The following TRPM6 variants were observed in gnomAD, a reference collection of about 807,000 sequenced individuals.
TRPM6 encodes the protein channel kinase 2.
A neutral mutation model predicts 247.6 loss-of-function variants in TRPM6; 111 were observed. The observed-to-expected ratio is 0.45, with a 90% CI of 0.38 to 0.52. TRPM6 has a LOEUF of 0.52. Ranked by LOEUF, TRPM6 falls within the 20% of genes least tolerant of loss-of-function variation. The pLI, the probability that TRPM6 is intolerant of heterozygous loss-of-function variation, is 0.00. For missense variants in TRPM6, 2,126 were observed against 2,421.5 expected (o/e 0.88, Z 2.56); for synonymous variants, 892 against 853.8 (o/e 1.04, Z -0.78).
intron 1 of TRPM6, among the ~76,000 whole-genome samples, chr9:74,870,849 G>A (rs867716684): frequency 6.6e-6 from 1 of 151,818 alleles, no homozygotes; most frequent in East Asian, 1.9e-4. Flanking sequence ...GCTTGAATTC[G>A]GGAGGCTTGA....
At chr9:74,776,630 C>T (rs374926125) in intron 23 of TRPM6, among the ~76,000 whole-genome samples, 5 of 152,184 alleles carry the variant, frequency 3.3e-5, no homozygotes, top group African/African-American at 1.2e-4. Flanking sequence ...ATAAAAGTAA[C>T]TCCTTATTGG....
chr9:74,742,667 G>A (rs749331779), intron 32 of TRPM6, 41 bp from the exon 33 acceptor site: 88 of 1,569,182 alleles, frequency 5.6e-5, no homozygotes, highest in Non-Finnish European at 7.0e-5. Flanking sequence ...GTATGCATCA[G>A]TGGCTGAATT....
intron 38 of TRPM6, among the ~76,000 whole-genome samples, chr9:74,726,663 T>C (rs1452900530): frequency 6.6e-6 from 1 of 152,216 alleles, no homozygotes; most frequent in Admixed American, 6.5e-5. Flanking sequence ...TTAGATGTAG[T>C]ACTTGTGTCT....
intron 32 of TRPM6, 43 bp from the exon 33 acceptor site, chr9:74,742,669 G>A: frequency 2.1e-5 from 32 of 1,560,810 alleles, no homozygotes; most frequent in Non-Finnish European, 2.8e-5. Context: ...ATGCATCAGT[G>A]GCTGAATTTA....
In TRPM6 at chr9:74,782,827, G is replaced by T. The variant is rs1375609733; in HGVS notation, c.2946C>A (p.Ile982=). ...KMTANMFYIV[I]IMAIVLLSFG... ...AGCTCAGCAGGACTATGGCCATGAT[G>T]ATCACAATATAGAACATGTTTGCTG... Residue 982 remains isoleucine, a synonymous_variant, in exon 22 of 39, where the codon ATC becomes ATA. Transcript: ENST00000360774. The T allele has an allele frequency of 1.9e-6, 3 of 1,614,036 alleles. No homozygotes were observed. The highest frequency in any genetic ancestry group is 2.2e-5 in the East Asian group (1 of 44,894).
At chr9:74,881,141 T>G (rs1286131518) in intron 1 of TRPM6, among the ~76,000 whole-genome samples, 2 of 151,948 alleles carry the variant, frequency 1.3e-5, no homozygotes, top group African/African-American at 2.4e-5. Context: ...CAAAAAAATT[T>G]TTTTAATTGA....
chr9:74,878,116 G>A (rs1488084300), intron 1 of TRPM6, among the ~76,000 whole-genome samples: 2 of 152,172 alleles, frequency 1.3e-5, no homozygotes, highest in Admixed American at 1.3e-4. Flanking sequence ...ACCACCTGCA[G>A]GCCTGGGGAC....
At chr9:74,736,504 C>G (rs535287725) in intron 36 of TRPM6, among the ~76,000 whole-genome samples, 1 of 152,282 alleles carries the variant, frequency 6.6e-6, no homozygotes, top group Non-Finnish European at 1.5e-5. Context: ...TAATAATGCA[C>G]GTAAACCTTT....
At position 74,775,955 on chromosome 9, in the gene TRPM6, C is replaced by T. The variant is rs762749956; in HGVS notation, c.3331G>A (p.Val1111Met). Residue 1111 changes from valine (V) to methionine (M), a missense_variant, in exon 24 of 39, where the codon GTG (valine) becomes ATG (methionine). By Grantham distance (21) the Val-to-Met change is conservative. Transcript: ENST00000360774. ...LPPPLILLSH[V>M]GLLLRRLCCH... ...CACAGGCGGCGGAGGAGAAGGCCCA[C>T]GTGGCTCAGCAGGATGAGAGGTGGG... 11 of 1,614,010 alleles carry T rather than the reference C, an allele frequency of 6.8e-6. No homozygotes were observed. Among genetic ancestry groups the T allele is most frequent in the South Asian group, 3.3e-5 (3 of 91,084 alleles).
At chr9:74,796,928 G>A in intron 17 of TRPM6, 35 bp from the exon 18 acceptor site, 2 of 1,584,402 alleles carry the variant, frequency 1.3e-6, no homozygotes, top group Non-Finnish European at 8.7e-7. Flanking sequence ...AAAGTAGTAG[G>A]GACTACAAAA....
chr9:74,883,308 A>G (rs542163724), intron 1 of TRPM6, among the ~76,000 whole-genome samples: 10 of 152,286 alleles, frequency 6.6e-5, no homozygotes, highest in African/African-American at 2.2e-4. Context: ...TGGTGGCACA[A>G]CAGGTATTTA....
chr9:74,787,736 G>C (rs1434776058), intron 20 of TRPM6, among the ~76,000 whole-genome samples: 1 of 152,220 alleles, frequency 6.6e-6, no homozygotes, highest in Non-Finnish European at 1.5e-5. Flanking sequence ...TTTTGTTTGA[G>C]ACGGAGTCTC....
At chr9:74,737,762 T>C (rs1462673613) in intron 36 of TRPM6, among the ~76,000 whole-genome samples, 1 of 152,214 alleles carries the variant, frequency 6.6e-6, no homozygotes, top group Non-Finnish European at 1.5e-5. Context: ...ACCAAAGCCC[T>C]AGTCAGTGAG....
intron 3 of TRPM6, among the ~76,000 whole-genome samples, chr9:74,854,704 C>A (rs1474575586): frequency 6.6e-6 from 1 of 152,110 alleles, no homozygotes; most frequent in Non-Finnish European, 1.5e-5. Flanking sequence ...CACTCTGCCA[C>A]CCAGGTGGGA....
In TRPM6 at chr9:74,802,173, T is replaced by C. The variant is rs1307153536; in HGVS notation, c.1734A>G (p.Glu578=). The change falls in exon 16 of 39, where the codon GAA becomes GAG. Residue 578 remains glutamate (E), a splice_region_variant and synonymous_variant. Coordinates refer to ENST00000360774, the MANE Select transcript of TRPM6 (RefSeq NM_017662.5). ...TTGATTTATGAAGGACTATAGACTTTTCCTGTTGGAAAATAAAATAGGAAT... is the reference window on the plus strand; with the variant it reads ...TTGATTTATGAAGGACTATAGACTTCTCCTGTTGGAAAATAAAATAGGAAT... ...IRTAQPYKFK[E]KSIVLHKSRK... 1.9e-6 allele frequency: 3 copies of C among 1,613,702 alleles called. No homozygotes were observed. The Admixed American group carries it at 5.0e-5, about 27-fold the overall frequency.
intron 9 of TRPM6, 118 bp downstream of exon 9, chr9:74,820,186 G>C (rs1829089319): frequency 1.0e-5 from 12 of 1,163,452 alleles, no homozygotes; most frequent in Non-Finnish European, 1.5e-5. Context: ...ACAGGCCCCT[G>C]TATGTTGTTC....
At chr9:74,840,492 C>A (rs920595721) in intron 4 of TRPM6, among the ~76,000 whole-genome samples, 1 of 152,206 alleles carries the variant, frequency 6.6e-6, no homozygotes, top group Admixed American at 6.5e-5. Context: ...CCCACCAATG[C>A]TCTCCAGAGA....
Position 74,762,504 on chromosome 9 carries a change from C to T in TRPM6, c.4167G>A (p.Gly1389=), listed in dbSNP as rs1826681970. 6.2e-7 allele frequency: 1 copy of T among 1,614,132 alleles called. No homozygotes were observed. The highest frequency in any genetic ancestry group is 1.1e-5 in the South Asian group (1 of 91,082). ...IQTEVLVHLT[G]QTPVVSDWAS... Reference sequence around the variant, plus strand: ...CCCAGTCAGAGACAACTGGGGTCTGCCCAGTCAGATGAACAAGAACCTCAG... The same window carrying T: ...CCCAGTCAGAGACAACTGGGGTCTGTCCAGTCAGATGAACAAGAACCTCAG... The change falls in exon 26 of 39, where the codon GGG becomes GGA. Residue 1389 remains glycine, a synonymous_variant. Coordinates refer to ENST00000360774, the MANE Select transcript of TRPM6 (RefSeq NM_017662.5).
chr9:74,847,126 G>A (rs1041518617), intron 3 of TRPM6, among the ~76,000 whole-genome samples: 1 of 152,144 alleles, frequency 6.6e-6, no homozygotes, highest in Non-Finnish European at 1.5e-5. Flanking sequence ...GGCTGACAAT[G>A]TCAAGTACTA....
Sources: allele counts gnomAD v4.1 joint callset (sites outside exome capture counted in the v4.1 genomes callset), GRCh38; gene constraint gnomAD v4.1.1; transcripts MANE v1.5; gene names NCBI Gene and HGNC (gene_info 2026-07-23, HGNC 2026-07-21).